The following LPP variants were observed in gnomAD, a reference collection of about 807,000 sequenced individuals.
The protein encoded by LPP is LIM domain containing preferred translocation partner in lipoma.
Under a neutral mutation model 60.4 loss-of-function variants are expected in LPP, and 38 were observed. That is an observed-to-expected ratio of 0.63 (90% CI 0.49 to 0.83). The LOEUF (loss-of-function observed/expected upper bound fraction) is 0.83, where lower values mean the gene tolerates loss of function less well. Ranked by LOEUF, LPP falls within the 40% of genes least tolerant of loss-of-function variation. The pLI is 0.00. For missense variants in LPP, 902 were observed against 783.6 expected, an observed-to-expected ratio of 1.15 and a Z score of -1.80; for synonymous variants, 328 against 290.8, an observed-to-expected ratio of 1.13 and a Z score of -1.30.
intron 2 of LPP, among the ~76,000 whole-genome samples, chr3:188,279,957 G>C (rs963557205): frequency 4.6e-5 from 7 of 152,106 alleles, no homozygotes; most frequent in Admixed American, 4.6e-4. Context: ...TCCTACCTGA[G>C]CCAGAAGCTA....
intron 3 of LPP, among the ~76,000 whole-genome samples, chr3:188,342,788 C>T (rs1763386619): frequency 1.3e-5 from 2 of 151,946 alleles, no homozygotes; most frequent in African/African-American, 4.8e-5. Context: ...ACATGATTTT[C>T]AAAGCTAATA....
At chr3:188,605,803 G>A (rs191814916) in intron 6 of LPP, among the ~76,000 whole-genome samples, 5 of 152,224 alleles carry the variant, frequency 3.3e-5, no homozygotes, top group African/African-American at 9.6e-5. Flanking sequence ...TAGCTTTCTG[G>A]TAAACTAGGT....
chr3:188,543,191 A>T (rs895427758), intron 6 of LPP, among the ~76,000 whole-genome samples: 1 of 152,208 alleles, frequency 6.6e-6, no homozygotes, highest in South Asian at 2.1e-4. Context: ...ATCCCCTGGG[A>T]TAGAGATGTT....
At position 188,610,440 on chromosome 3, in the gene LPP, T is replaced by C. The variant is rs1843454190; in HGVS notation, c.1113+596T>C. On this transcript the variant is annotated intron_variant, in intron 7 of 11. Coordinates refer to ENST00000617246, the MANE Select transcript of LPP (RefSeq NM_001375462.1). This position sits in a 1 kb window ranked among gnomAD's most constrained non-coding sequence, Gnocchi z 4.4. ...GTGAGGCCAAGCAGGTCTAAGATAA[T>C]GCAAATGCCTTGGACAGTTTCTCCT... Among the ~76,000 whole-genome samples the C allele has an allele frequency of 6.6e-6, 1 of 152,224 alleles. No homozygotes were observed. The highest frequency in any genetic ancestry group is 2.4e-5 in the African/African-American group (1 of 41,458).
chr3:188,573,324 T>A (rs1027684642), intron 6 of LPP, among the ~76,000 whole-genome samples: 2 of 152,238 alleles, frequency 1.3e-5, no homozygotes, highest in East Asian at 1.9e-4. Flanking sequence ...AAGATACAAA[T>A]ATAGTTGAGA....
At position 188,885,190 on chromosome 3, in the gene LPP, A is replaced by T. The variant is rs1770513316; in HGVS notation, c.*10711A>T. The T allele has an allele frequency of 4.9e-6, 1 of 203,576 alleles. No homozygotes were observed. Among genetic ancestry groups the T allele is most frequent in the African/African-American group, 2.3e-5 (1 of 43,742 alleles). The allele number at this position is 203,576 out of a possible 1,614,324, so 12.6% of individuals were successfully genotyped here. On this transcript the variant is annotated 3_prime_UTR_variant, in exon 12 of 12. Transcript: ENST00000617246. ...TGTTTGCTATATCCTAAAATATGTG[A>T]AGTGAGAGAAAAAATATCATTTCTT...
At chr3:188,318,140 T>C (rs1002086406) in intron 2 of LPP, among the ~76,000 whole-genome samples, 1 of 152,202 alleles carries the variant, frequency 6.6e-6, no homozygotes, top group Admixed American at 6.5e-5. Context: ...CTTCTCTTAT[T>C]TTTCTTTGCA....
At chr3:188,765,094 T>C (rs1358064979) in intron 9 of LPP, among the ~76,000 whole-genome samples, 2 of 152,224 alleles carry the variant, frequency 1.3e-5, no homozygotes, top group African/African-American at 4.8e-5. Context: ...TGTTCTTTTA[T>C]ATACTCAATT....
At chr3:188,247,251 ACTTTAGTGGGAAAAAAAAAAAAACG>A in intron 2 of LPP, 1 of 818,486 alleles carries the variant, frequency 1.2e-6, no homozygotes, top group Non-Finnish European at 1.5e-6. Flanking sequence ...GTTGCAGGGC[ACTTTAGTGGGAAAAAAAAAAAAACG>A]CTGAGGCTAT....
chr3:188,677,910 A>G (rs1179312849), intron 7 of LPP, among the ~76,000 whole-genome samples: 1 of 152,042 alleles, frequency 6.6e-6, no homozygotes. Flanking sequence ...TAGCTTGACA[A>G]TTTGGAAATG....
At chr3:188,630,894 G>T (rs1394380465) in intron 7 of LPP, among the ~76,000 whole-genome samples, 1 of 152,116 alleles carries the variant, frequency 6.6e-6, no homozygotes, top group Admixed American at 6.5e-5. Context: ...GGAGCTGGAG[G>T]CCATTATTCT....
chr3:188,858,724 A>T (rs1764417319), intron 9 of LPP, among the ~76,000 whole-genome samples: 1 of 152,172 alleles, frequency 6.6e-6, no homozygotes. Flanking sequence ...CAAACAGAAA[A>T]TTTTATAAGA....
intron 4 of LPP, among the ~76,000 whole-genome samples, chr3:188,425,199 T>C (rs1267320765): frequency 6.6e-6 from 1 of 152,210 alleles, no homozygotes; most frequent in Non-Finnish European, 1.5e-5. Context: ...TCTATTGAGA[T>C]AATAGTGTGA....
intron 7 of LPP, among the ~76,000 whole-genome samples, chr3:188,623,099 T>TGGATAC (rs1846122526): frequency 6.7e-6 from 1 of 149,642 alleles, no homozygotes; most frequent in Non-Finnish European, 1.5e-5. Flanking sequence ...CCCCCATGAT[T>TGGATAC]GTATGGATGA....
At chr3:188,806,607 A>G (rs1035575542) in intron 9 of LPP, among the ~76,000 whole-genome samples, 2 of 151,906 alleles carry the variant, frequency 1.3e-5, no homozygotes, top group Non-Finnish European at 2.9e-5. Context: ...TCCATCTGCT[A>G]TATTTTTCTC....
intron 9 of LPP, among the ~76,000 whole-genome samples, chr3:188,776,566 CT>C (rs1213556775): frequency 6.6e-6 from 1 of 152,152 alleles, no homozygotes; most frequent in Non-Finnish European, 1.5e-5. Context: ...CTGATGGCAT[CT>C]TAATGGAATT....
At chr3:188,869,822 T>G (rs1188562827) in intron 10 of LPP, among the ~76,000 whole-genome samples, 1 of 152,222 alleles carries the variant, frequency 6.6e-6, no homozygotes, top group Non-Finnish European at 1.5e-5. Flanking sequence ...TTGGTCAATG[T>G]TGACTCATAT....
intron 6 of LPP, among the ~76,000 whole-genome samples, chr3:188,586,250 T>C (rs1400289725): frequency 1.3e-5 from 2 of 152,246 alleles, no homozygotes; most frequent in Non-Finnish European, 2.9e-5. Flanking sequence ...GAAAATGTTC[T>C]ATATGTAATA....
intron 5 of LPP, among the ~76,000 whole-genome samples, chr3:188,507,049 G>C (rs1391474984): frequency 6.7e-6 from 1 of 149,586 alleles, no homozygotes; most frequent in African/African-American, 2.4e-5. Context: ...CACCTACCTC[G>C]GCCTCCCAAA....
Sources: gnomAD v4.1 joint callset for allele counts (sites outside exome capture counted in the v4.1 genomes callset) on GRCh38, gnomAD v4.1.1 for gene constraint, Gnocchi (gnomAD v3.1) non-coding constraint, MANE v1.5 for transcripts, NCBI Gene and HGNC (gene_info 2026-07-23, HGNC 2026-07-21) for gene names.